SLC35D4: variants seen among roughly 807,000 people sequenced by gnomAD.
SLC35D4 encodes the protein UDP-N-acetylglucosamine transporter SLC35D4.
At chr18:23,327,466 C>T in the SLC35D4 span, among the ~76,000 whole-genome samples, 1 of 152,058 alleles carries the variant, frequency 6.6e-6, no homozygotes, top group Non-Finnish European at 1.5e-5. Context: ...TGGATAAATT[C>T]CTGGACACAT....
chr18:23,346,472 T>A, the SLC35D4 span, among the ~76,000 whole-genome samples: 1 of 152,116 alleles, frequency 6.6e-6, no homozygotes, highest in Non-Finnish European at 1.5e-5. Flanking sequence ...GATGGTCTCA[T>A]TTGTGAATAA....
At chr18:23,274,716 C>A in the SLC35D4 span, among the ~76,000 whole-genome samples, 1 of 152,214 alleles carries the variant, frequency 6.6e-6, no homozygotes, top group Non-Finnish European at 1.5e-5. Flanking sequence ...CCAGTGCACG[C>A]AAGGGCCAGG....
chr18:23,314,643 C>G, the SLC35D4 span, among the ~76,000 whole-genome samples: 69 of 152,354 alleles, frequency 4.5e-4, 2 homozygotes, highest in South Asian at 7.9e-3. Context: ...TTTACTCTTG[C>G]AACTAGCCAT....
At chr18:23,400,233 C>A in the SLC35D4 span, among the ~76,000 whole-genome samples, 1 of 152,196 alleles carries the variant, frequency 6.6e-6, no homozygotes, top group African/African-American at 2.4e-5. Context: ...AGCCACACCA[C>A]GAACTGCTTT....
the SLC35D4 span, among the ~76,000 whole-genome samples, chr18:23,363,743 T>C: frequency 2.6e-5 from 4 of 152,150 alleles, no homozygotes; most frequent in African/African-American, 9.7e-5. Flanking sequence ...GGCAGCTACC[T>C]GGCTGCATAA....
chr18:23,409,883 A>G, the SLC35D4 span, among the ~76,000 whole-genome samples: 1 of 148,380 alleles, frequency 6.7e-6, no homozygotes, highest in Non-Finnish European at 1.5e-5. Flanking sequence ...TTGTATCTGT[A>G]TTGAACATAG....
chr18:23,359,552 C>T, the SLC35D4 span, among the ~76,000 whole-genome samples: 1 of 152,104 alleles, frequency 6.6e-6, no homozygotes, highest in Non-Finnish European at 1.5e-5. Context: ...CATGAAATTG[C>T]CATGGTGAAA....
chr18:23,415,148 C>T, the SLC35D4 span, among the ~76,000 whole-genome samples: 1 of 152,064 alleles, frequency 6.6e-6, no homozygotes, highest in Non-Finnish European at 1.5e-5. Context: ...TAAATAAATA[C>T]AATCTGGACC....
At chr18:23,283,638 C>T in the SLC35D4 span, among the ~76,000 whole-genome samples, 2 of 151,588 alleles carry the variant, frequency 1.3e-5, no homozygotes, top group Non-Finnish European at 2.9e-5. Flanking sequence ...GGAGAAACCC[C>T]GTCTCTACTA....
the SLC35D4 span, among the ~76,000 whole-genome samples, chr18:23,287,497 A>G: frequency 1.3e-5 from 2 of 152,186 alleles, no homozygotes; most frequent in Non-Finnish European, 2.9e-5. Context: ...TAATTTTCAT[A>G]AAAACACACT....
At chr18:23,322,245 T>C in the SLC35D4 span, among the ~76,000 whole-genome samples, 2 of 152,228 alleles carry the variant, frequency 1.3e-5, no homozygotes, top group African/African-American at 4.8e-5. Context: ...GGGAGGAGGA[T>C]GGAAAGGAAG....
At chr18:23,346,333 T>C in the SLC35D4 span, among the ~76,000 whole-genome samples, 3 of 152,122 alleles carry the variant, frequency 2.0e-5, no homozygotes, top group Non-Finnish European at 4.4e-5. Context: ...AGGATCTCAC[T>C]ATGTTGCCCA....
chr18:23,257,413 G>C, the SLC35D4 span: 4 of 1,536,278 alleles, frequency 2.6e-6, no homozygotes, highest in Non-Finnish European at 3.5e-6. Flanking sequence ...TCAGCTTGGT[G>C]GAGCAGCACT....
the SLC35D4 span, among the ~76,000 whole-genome samples, chr18:23,335,242 A>G: frequency 6.6e-6 from 1 of 152,244 alleles, no homozygotes; most frequent in African/African-American, 2.4e-5. Context: ...AATTGTACCA[A>G]GTAAATATCT....
chr18:23,258,367 C>T, the SLC35D4 span: 3 of 152,556 alleles, frequency 2.0e-5, no homozygotes, highest in East Asian at 3.9e-4. Flanking sequence ...GAGCACGACG[C>T]ATGATTGGTG....
At chr18:23,385,397 C>A in the SLC35D4 span, among the ~76,000 whole-genome samples, 1 of 152,200 alleles carries the variant, frequency 6.6e-6, no homozygotes, top group Admixed American at 6.5e-5. Flanking sequence ...CAAAAGTGCA[C>A]CCCGCCCGGC....
At chr18:23,427,560 C>T in the SLC35D4 span, among the ~76,000 whole-genome samples, 1 of 152,170 alleles carries the variant, frequency 6.6e-6, no homozygotes, top group Non-Finnish European at 1.5e-5. Context: ...AACACTTTTA[C>T]ACTGTTGGTG....
the SLC35D4 span, among the ~76,000 whole-genome samples, chr18:23,364,382 C>T: frequency 6.6e-6 from 1 of 152,116 alleles, no homozygotes; most frequent in Non-Finnish European, 1.5e-5. Context: ...AGGAAAGTTC[C>T]AATCCTTCTG....
At chr18:23,306,695 G>A in the SLC35D4 span, among the ~76,000 whole-genome samples, 1 of 152,212 alleles carries the variant, frequency 6.6e-6, no homozygotes, top group East Asian at 1.9e-4. Flanking sequence ...GTAAAGAAAT[G>A]TAAAAACCCA....
Sources: gnomAD v4.1 joint callset for allele counts (sites outside exome capture counted in the v4.1 genomes callset) on GRCh38, gnomAD v4.1.1 for gene constraint, MANE v1.5 for transcripts, NCBI Gene and HGNC (gene_info 2026-07-23, HGNC 2026-07-21) for gene names.